ATXN1: variants seen among roughly 807,000 people sequenced by gnomAD.
The protein encoded by ATXN1 is ataxin 1, also known as ataxin-1.
Under a neutral mutation model 56.4 loss-of-function variants are expected in ATXN1, and 8 were observed. The ratio of observed to expected loss-of-function variants is 0.14; its 90% CI spans 0.08 to 0.26. ATXN1 has a LOEUF of 0.26. Among genes scored for constraint, ATXN1 ranks in the 10% least tolerant of loss-of-function variants. The pLI is 1.00. For synonymous variants in ATXN1, 514 were observed against 494.6 expected (o/e 1.04, Z -0.52); for missense variants, 987 against 1,106.5 (o/e 0.89, Z 1.53).
rs570582067 is a variant in ATXN1, at chr6:16,452,670, G to A, written c.-161+33302C>T. Among the ~76,000 whole-genome samples, 4 of 152,288 alleles carry A rather than the reference G, an allele frequency of 2.6e-5. No individual in the cohort carries two copies. In the East Asian group the frequency reaches 5.8e-4, roughly 22 times the overall value. ...CATTCCTTCCTGTCAAAAGGATGGC[G>A]TCAAATGTATTTTAAGTATCGACAT... On this transcript the variant is annotated intron_variant, in intron 6 of 7. Transcript: ENST00000436367.
chr6:16,568,746 C>T (rs186264004), intron 4 of ATXN1, among the ~76,000 whole-genome samples: 4 of 152,136 alleles, frequency 2.6e-5, no homozygotes, highest in Admixed American at 2.6e-4. Flanking sequence ...TAAGAGAGCA[C>T]CAAAAAAATT....
rs1027738394 is a variant in ATXN1, at chr6:16,328,063, G to T, written c.248C>A (p.Thr83Lys). The T allele has an allele frequency of 1.2e-6, 2 of 1,613,176 alleles. No homozygotes were observed. The highest frequency in any genetic ancestry group is 1.7e-6 in the Non-Finnish European group (2 of 1,179,486). The part of the protein sequence containing the change: ...QGIGLHKALS[T>K]GLDYSPPSAP... ...GCTGGGCGGGGAGTAGTCCAGCCCT[G>T]TGGACAATGCTTTGTGTAAACCTAT... Residue 83 changes from threonine to lysine, a missense_variant, in exon 7 of 8, where the codon ACA becomes AAA. Thr to Lys is a moderately conservative substitution (Grantham distance 78, BLOSUM62 -1). Around this residue, in one of 3 missense-constraint regions of ATXN1, gnomAD observed 723 missense variants for 791.7 expected, o/e 0.91. Transcript: ENST00000436367. This position sits in a 1 kb window ranked among gnomAD's most constrained non-coding sequence, Gnocchi z 6.2.
intron 5 of ATXN1, among the ~76,000 whole-genome samples, chr6:16,491,090 A>AT (rs35884389): frequency 0.64 from 49,693 of 78,246 alleles, 17,622 homozygotes; most frequent in South Asian, 0.67. Flanking sequence ...GGATCCCTGG[A>AT]TTTTTTTTTT....
chr6:16,323,837 T>A (rs1760741199), intron 7 of ATXN1, among the ~76,000 whole-genome samples: 1 of 152,172 alleles, frequency 6.6e-6, no homozygotes, highest in Non-Finnish European at 1.5e-5. Flanking sequence ...TTCTTTCTCC[T>A]AGTACCCACC....
At chr6:16,468,496 G>T (rs1002847337) in intron 6 of ATXN1, among the ~76,000 whole-genome samples, 1 of 152,140 alleles carries the variant, frequency 6.6e-6, no homozygotes, top group Non-Finnish European at 1.5e-5. Context: ...GCCCGGACTG[G>T]TTATTACCTT....
intron 4 of ATXN1, among the ~76,000 whole-genome samples, chr6:16,534,835 C>T (rs1390986535): frequency 1.3e-5 from 2 of 152,214 alleles, no homozygotes; most frequent in Non-Finnish European, 2.9e-5. Flanking sequence ...CCTAAGTCTG[C>T]TCTTGTATAA....
chr6:16,645,585 G>C (rs967907902), intron 3 of ATXN1, among the ~76,000 whole-genome samples: 1 of 152,102 alleles, frequency 6.6e-6, no homozygotes, highest in African/African-American at 2.4e-5. Flanking sequence ...GGGAGCCACA[G>C]ATTGAATCCC....
chr6:16,589,815 A>G (rs935677379), intron 3 of ATXN1, among the ~76,000 whole-genome samples: 6 of 152,236 alleles, frequency 3.9e-5, no homozygotes, highest in Non-Finnish European at 8.8e-5. Flanking sequence ...ATTAATTAGC[A>G]TTAGCATCTG....
chr6:16,449,348 T>C (rs1018688094), intron 6 of ATXN1, among the ~76,000 whole-genome samples: 1 of 152,192 alleles, frequency 6.6e-6, no homozygotes, highest in African/African-American at 2.4e-5. Context: ...ATTATTGGCA[T>C]TAAACTGTCA....
At chr6:16,412,954 T>C (rs1220599599) in intron 6 of ATXN1, among the ~76,000 whole-genome samples, 1 of 152,212 alleles carries the variant, frequency 6.6e-6, no homozygotes, top group African/African-American at 2.4e-5. Flanking sequence ...GGATGAGGGC[T>C]GGCCACAGCA....
At chr6:16,449,803 A>G (rs1034651334) in intron 6 of ATXN1, among the ~76,000 whole-genome samples, 15 of 152,124 alleles carry the variant, frequency 9.9e-5, no homozygotes, top group African/African-American at 3.6e-4. Context: ...ATTATTTGCA[A>G]CTCCTTATTT....
At chr6:16,406,129 C>G (rs1469226791) in intron 6 of ATXN1, among the ~76,000 whole-genome samples, 1 of 152,138 alleles carries the variant, frequency 6.6e-6, no homozygotes, top group Non-Finnish European at 1.5e-5. Context: ...TCTTCACAGC[C>G]TTATCTTCTT....
chr6:16,382,624 C>T (rs1581726211), intron 6 of ATXN1, among the ~76,000 whole-genome samples: 1 of 152,096 alleles, frequency 6.6e-6, no homozygotes, highest in East Asian at 1.9e-4. Context: ...AATAGTTTAT[C>T]CCATTTCCAT....
chr6:16,746,659 G>A (rs1760546577), intron 2 of ATXN1, among the ~76,000 whole-genome samples: 1 of 152,200 alleles, frequency 6.6e-6, no homozygotes, highest in African/African-American at 2.4e-5. Flanking sequence ...AGCGGAGGAA[G>A]TATTCAGGTA....
At chr6:16,335,621 A>G (rs1035853199) in intron 6 of ATXN1, among the ~76,000 whole-genome samples, 5 of 152,246 alleles carry the variant, frequency 3.3e-5, no homozygotes, top group Non-Finnish European at 4.4e-5. Flanking sequence ...GTAGATCCCT[A>G]AAAGTTATGC....
intron 6 of ATXN1, among the ~76,000 whole-genome samples, chr6:16,402,266 T>G (rs1365355244): frequency 6.4e-5 from 9 of 140,648 alleles, no homozygotes; most frequent in Non-Finnish European, 1.2e-4. Flanking sequence ...TTTTTTTTTT[T>G]TTTTTTTTTT....
chr6:16,346,625 T>C (rs138681841), intron 6 of ATXN1, among the ~76,000 whole-genome samples: 33 of 152,348 alleles, frequency 2.2e-4, no homozygotes, highest in Non-Finnish European at 3.8e-4. Context: ...AACTCGTGAC[T>C]TTAGGAAAGT....
At chr6:16,607,758 T>C (rs1274230314) in intron 3 of ATXN1, among the ~76,000 whole-genome samples, 1 of 152,226 alleles carries the variant, frequency 6.6e-6, no homozygotes, top group Non-Finnish European at 1.5e-5. Context: ...GCTCATTTTT[T>C]ATGCCCAAAA....
intron 2 of ATXN1, among the ~76,000 whole-genome samples, chr6:16,674,293 G>A (rs985820288): frequency 1.3e-5 from 2 of 149,476 alleles, no homozygotes; most frequent in African/African-American, 5.0e-5. Flanking sequence ...CTACAGAGGC[G>A]ACAGAGGTCA....
Sources: gnomAD v4.1 joint callset for allele counts (sites outside exome capture counted in the v4.1 genomes callset) on GRCh38, gnomAD v4.1.1 for gene constraint, gnomAD v4.1.1 regional missense constraint, Gnocchi (gnomAD v3.1) non-coding constraint, MANE v1.5 for transcripts, NCBI Gene and HGNC (gene_info 2026-07-23, HGNC 2026-07-21) for gene names.